Variants in ST8SIA6 observed in about 807,000 individuals in gnomAD.
The protein encoded by ST8SIA6 is ST8 alpha-N-acetyl-neuraminide alpha-2,8-sialyltransferase 6.
A neutral mutation model predicts 33.6 loss-of-function variants in ST8SIA6; 39 were observed. The ratio of observed to expected loss-of-function variants is 1.16; its 90% CI spans 0.90 to 1.52. ST8SIA6 has a LOEUF of 1.52. Ranked by LOEUF, ST8SIA6 falls within the 40% of genes most tolerant of loss-of-function variation. The probability of loss-of-function intolerance (pLI) is 0.00; values close to 1 mark genes in which losing one functional copy is unlikely to be tolerated. For missense variants in ST8SIA6, 441 were observed against 443.8 expected (o/e 0.99, Z 0.06); for synonymous variants, 172 against 167.2 (o/e 1.03, Z -0.22).
intron 2 of ST8SIA6, among the ~76,000 whole-genome samples, chr10:17,453,241 A>T (rs1457462462): frequency 2.0e-5 from 2 of 97,706 alleles, no homozygotes. Context: ...CTTCTCTCCA[A>T]AGGTGGCGGG....
chr10:17,324,504 C>A (rs1282878537), intron 6 of ST8SIA6, among the ~76,000 whole-genome samples: 4 of 151,748 alleles, frequency 2.6e-5, no homozygotes, highest in Admixed American at 1.3e-4. Flanking sequence ...GTCTCATATT[C>A]TTCTGAATAA....
Position 17,320,962 on chromosome 10 carries a change from C to A in ST8SIA6, c.1113G>T (p.Gln371His). The change falls in exon 8 of 8, where the codon CAG becomes CAT. Residue 371 changes from glutamine to histidine, a missense_variant. Physicochemically the swap from Gln to His is conservative, Grantham distance 24 (BLOSUM62 0). Transcript: ENST00000377602. ...GGATCTGGCTGTATTCTTTGGGCAT[C>A]TGATGGAAACCATGTTTAGGTAGCT... is the stretch of plus-strand genomic sequence containing the variant. ...DNKLPKHGFH[Q>H]MPKEYSQILQ... The A allele has an allele frequency of 6.2e-7, 1 of 1,614,090 alleles. No individual in the cohort carries two copies. Among genetic ancestry groups the A allele is most frequent in the Non-Finnish European group, 8.5e-7 (1 of 1,179,980 alleles).
Position 17,321,296 on chromosome 10 carries a change from G to C in ST8SIA6, c.779C>G (p.Thr260Ser). The change falls in exon 8 of 8, where the codon ACC becomes AGC. Residue 260 changes from threonine (T) to serine (S), a missense_variant. Coordinates refer to ENST00000377602, the MANE Select transcript of ST8SIA6 (RefSeq NM_001004470.3). ...CAGAAGAAAAAATGCATCTCCATAG[G>C]TTGCAATGTCCTCCAGAAATAGGGC... The part of the protein sequence containing the change: ...KKALFLEDIA[T>S]YGDAFFLLPA... 1 of 1,613,262 alleles carries C rather than the reference G, an allele frequency of 6.2e-7. No individual in the cohort carries two copies.
intron 4 of ST8SIA6, among the ~76,000 whole-genome samples, chr10:17,341,926 A>C (rs57711964): frequency 1.7e-3 from 262 of 150,178 alleles, no homozygotes; most frequent in African/African-American, 5.3e-3. Context: ...AAAAAACAAA[A>C]AGAAAGAAAG....
chr10:17,338,841 A>C (rs1410806385), intron 4 of ST8SIA6, among the ~76,000 whole-genome samples: 1 of 152,214 alleles, frequency 6.6e-6, no homozygotes, highest in African/African-American at 2.4e-5. Context: ...AAGAGCATAC[A>C]CTGCCCATCC....
intron 2 of ST8SIA6, among the ~76,000 whole-genome samples, chr10:17,419,884 C>A (rs1243183981): frequency 6.6e-6 from 1 of 152,190 alleles, no homozygotes; most frequent in African/African-American, 2.4e-5. Flanking sequence ...TTCCACCTAC[C>A]CTTTCTGAAT....
chr10:17,364,998 T>G (rs1849513482), intron 3 of ST8SIA6, among the ~76,000 whole-genome samples: 1 of 152,230 alleles, frequency 6.6e-6, no homozygotes, highest in African/African-American at 2.4e-5. Flanking sequence ...AACTCATGTC[T>G]TTTGATTCAC....
Position 17,327,144 on chromosome 10 carries a change from A to G in ST8SIA6, c.523-18T>C, listed in dbSNP as rs1271920016. On this transcript the variant is annotated intron_variant, in intron 5 of 7. Transcript: ENST00000377602. ...GGCTGGGACTAGCAGGAGAAAGTGG[A>G]AAACTACCATGAAATACCGTTAATT... 6.4e-7 allele frequency: 1 copy of G among 1,568,062 alleles called. No individual in the cohort carries two copies. The highest frequency in any genetic ancestry group is 2.3e-5 in the East Asian group (1 of 43,780).
At position 17,321,364 on chromosome 10, in the gene ST8SIA6, AATT is replaced by A. The variant is rs1243327636; in HGVS notation, c.729-21_729-19del. 1 of 1,554,056 alleles carries A rather than the reference AATT, an allele frequency of 6.4e-7. No individual in the cohort carries two copies. The highest frequency in any genetic ancestry group is 8.7e-7 in the Non-Finnish European group (1 of 1,151,456). On this transcript the variant is annotated intron_variant, in intron 7 of 7. Transcript: ENST00000377602. ...TCCCATATCTGCCAAATTAAAAAAA[AATT>A]ATAGTAATCCCAAGAATAATAATCA...
intron 4 of ST8SIA6, among the ~76,000 whole-genome samples, chr10:17,355,248 A>T (rs1429211862): frequency 6.6e-6 from 1 of 152,192 alleles, no homozygotes; most frequent in Non-Finnish European, 1.5e-5. Context: ...GCTCAAACAC[A>T]TCCTGTCCAA....
intron 3 of ST8SIA6, among the ~76,000 whole-genome samples, chr10:17,382,883 T>C (rs989218450): frequency 6.6e-6 from 1 of 152,226 alleles, no homozygotes; most frequent in East Asian, 1.9e-4. Context: ...GGCACACTGA[T>C]GCAAAACTAG....
Position 17,333,717 on chromosome 10 carries a change from A to ATTT in ST8SIA6, c.378-2168_378-2166dup, listed in dbSNP as rs71392102. 5.8e-3 allele frequency among the ~76,000 whole-genome samples: 197 copies of ATTT among 33,742 alleles called. 38 individuals carry two copies. The highest frequency in any genetic ancestry group is 0.014 in the African/African-American group (82 of 5,712). The allele number at this position is 33,742 out of a possible 152,430, so 22.1% of individuals were successfully genotyped here. A position where few individuals can be genotyped will look rare whatever the true frequency, so the allele number is the denominator to read the frequency against. On this transcript the variant is annotated intron_variant, in intron 4 of 7. Coordinates refer to ENST00000377602, the MANE Select transcript of ST8SIA6 (RefSeq NM_001004470.3). ...TATATATATATATATATATATATAT[A>ATTT]TTTTTTTTTTTTTTTTTTTTTTTTG...
chr10:17,426,090 C>T (rs931978927), intron 2 of ST8SIA6, among the ~76,000 whole-genome samples: 5 of 152,154 alleles, frequency 3.3e-5, no homozygotes, highest in African/African-American at 4.8e-5. Flanking sequence ...CTCCCACAGG[C>T]ACTAGAGGAA....
chr10:17,337,981 A>G (rs528000160), intron 4 of ST8SIA6, among the ~76,000 whole-genome samples: 1 of 151,606 alleles, frequency 6.6e-6, no homozygotes, highest in African/African-American at 2.4e-5. Context: ...CACTTTTGCC[A>G]TTACCCCCAC....
chr10:17,354,481 A>G (rs907317196), intron 4 of ST8SIA6, among the ~76,000 whole-genome samples: 1 of 152,224 alleles, frequency 6.6e-6, no homozygotes, highest in African/African-American at 2.4e-5. Context: ...ACACCTCAAC[A>G]TTGTTGACTT....
At chr10:17,426,307 C>G (rs1851936368) in intron 2 of ST8SIA6, among the ~76,000 whole-genome samples, 1 of 152,118 alleles carries the variant, frequency 6.6e-6, no homozygotes, top group African/African-American at 2.4e-5. Context: ...GTGAGAATCT[C>G]CCTTTACCAA....
chr10:17,447,105 T>C (rs1470460124), intron 2 of ST8SIA6, among the ~76,000 whole-genome samples: 1 of 151,206 alleles, frequency 6.6e-6, no homozygotes, highest in Non-Finnish European at 1.5e-5. Context: ...AAAATAAGAA[T>C]TGTGGCCGGG....
At chr10:17,373,833 A>G (rs1849807235) in intron 3 of ST8SIA6, among the ~76,000 whole-genome samples, 1 of 152,182 alleles carries the variant, frequency 6.6e-6, no homozygotes. Flanking sequence ...TATTTGAGGA[A>G]CTATGAGGAA....
At chr10:17,395,739 C>T (rs150932038) in intron 2 of ST8SIA6, among the ~76,000 whole-genome samples, 83 of 152,016 alleles carry the variant, frequency 5.5e-4, no homozygotes, top group Middle Eastern at 6.8e-3. Context: ...AAAAATTAGT[C>T]GGGTGTGGTG....
Sources: allele counts gnomAD v4.1 joint callset (sites outside exome capture counted in the v4.1 genomes callset), GRCh38; gene constraint gnomAD v4.1.1; transcripts MANE v1.5; gene names NCBI Gene and HGNC (gene_info 2026-07-23, HGNC 2026-07-21).